Variants in CEP44 observed in about 807,000 individuals in gnomAD.
CEP44 encodes centrosomal protein of 44 kDa.
In CEP44, 45 loss-of-function variants were observed where a neutral mutation model predicts 46.7. That is an observed-to-expected ratio of 0.96 (90% CI 0.76 to 1.24). CEP44 has a LOEUF of 1.24. CEP44 is among the 50% of genes most tolerant of loss of function. The pLI is 0.00. For missense variants in CEP44, 475 were observed against 459.7 expected (o/e 1.03, Z -0.30); for synonymous variants, 142 against 146.0 (o/e 0.97, Z 0.20).
At chr4:174,298,766 G>A (rs1462703294) in intron 2 of CEP44, among the ~76,000 whole-genome samples, 1 of 151,680 alleles carries the variant, frequency 6.6e-6, no homozygotes, top group African/African-American at 2.4e-5. Flanking sequence ...CTTCTCAAAC[G>A]GTGCTTTATG....
chr4:174,318,420 A>C lies in CEP44; in HGVS notation c.*1037A>C. The C allele has an allele frequency of 1.0e-6, 1 of 984,936 alleles. No homozygotes were observed. The allele number at this position is 984,936 out of a possible 1,614,324, so 61.0% of individuals were successfully genotyped here. ...GTGAGGTGTTGTGTTTTGTTTTTTTAATGATGAAAAGTTACACATTTTTTG... is the reference window on the plus strand; with the variant it reads ...GTGAGGTGTTGTGTTTTGTTTTTTTCATGATGAAAAGTTACACATTTTTTG... On this transcript the variant is annotated 3_prime_UTR_variant, in exon 12 of 12. Transcript: ENST00000503780.
intron 6 of CEP44, 109 bp downstream of exon 6, chr4:174,304,478 T>C: frequency 7.0e-7 from 1 of 1,421,594 alleles, no homozygotes; most frequent in Non-Finnish European, 9.4e-7. Flanking sequence ...AGTTAGATAT[T>C]GGAGTTCATT....
At chr4:174,307,555 A>G (rs1740565668) in intron 6 of CEP44, among the ~76,000 whole-genome samples, 1 of 152,248 alleles carries the variant, frequency 6.6e-6, no homozygotes, top group African/African-American at 2.4e-5. Context: ...GGTGTCGGCA[A>G]TGATTTCATG....
Position 174,311,474 on chromosome 4 carries a change from C to T in CEP44, c.961+616C>T, listed in dbSNP as rs924930274. Among the ~76,000 whole-genome samples the T allele has an allele frequency of 1.4e-4, 21 of 152,036 alleles. 1 individual carries two copies. The highest frequency in any genetic ancestry group is 1.3e-3 in the Admixed American group (20 of 15,258). ...TTTTGTGCCATATCTATGATTAAAT[C>T]ATAGCTATAGAAGAGATGTTTTGTC... On this transcript the variant is annotated intron_variant, in intron 9 of 11. Coordinates refer to ENST00000503780, the MANE Select transcript of CEP44 (RefSeq NM_001040157.3). The surrounding 1 kb of genome is among the most constrained non-coding windows in gnomAD (Gnocchi z 4.4).
chr4:174,304,557 A>G (rs1740162794), intron 6 of CEP44, among the ~76,000 whole-genome samples, 188 bp downstream of exon 6: 1 of 152,252 alleles, frequency 6.6e-6, no homozygotes, highest in African/African-American at 2.4e-5. Context: ...GGATAGAAAT[A>G]TAAAATTAAA....
In CEP44 at chr4:174,319,862, A is replaced by T. The variant is rs1742149490; in HGVS notation, c.*2479A>T. 1 of 985,132 alleles carries T rather than the reference A, an allele frequency of 1.0e-6. No homozygotes were observed. Among genetic ancestry groups the T allele is most frequent in the Non-Finnish European group, 1.2e-6 (1 of 829,764 alleles). 61.0% of individuals were successfully genotyped at this position (985,132 alleles called of 1,614,324 possible). On this transcript the variant is annotated 3_prime_UTR_variant, in exon 12 of 12. Transcript: ENST00000503780. ...GGACAGATCAGCAAATTGTTATTTT[A>T]AAAAGTTTTCTTGTTTAGGCAATTT...
At chr4:174,325,205 T>A (rs569308750), downstream of CEP44, among the ~76,000 whole-genome samples, 31 of 152,204 alleles carry the variant, frequency 2.0e-4, no homozygotes, top group Non-Finnish European at 4.4e-4. The surrounding 1 kb of genome is among the most constrained non-coding windows in gnomAD (Gnocchi z 4.4). Context: ...TTAGGTTGTT[T>A]GTCTTCCTGT....
chr4:174,315,584 G>C (rs1416933633), intron 9 of CEP44, among the ~76,000 whole-genome samples: 1 of 151,996 alleles, frequency 6.6e-6, no homozygotes, highest in Non-Finnish European at 1.5e-5. Context: ...AAATGTTGCT[G>C]AATAAAAGCA....
intron 1 of CEP44, among the ~76,000 whole-genome samples, chr4:174,294,847 CG>C (rs529251008): frequency 3.1e-5 from 4 of 130,754 alleles, no homozygotes; most frequent in South Asian, 2.6e-4. Context: ...GCTGGCCGGG[CG>C]GGGGGCTGAT....
At chr4:174,316,134 A>G in intron 9 of CEP44, 32 bp from the exon 10 acceptor site, 1 of 1,603,522 alleles carries the variant, frequency 6.2e-7, no homozygotes, top group Non-Finnish European at 8.5e-7. Context: ...CTGTGAAAGG[A>G]AAAGGTAATC....
intron 1 of CEP44, among the ~76,000 whole-genome samples, chr4:174,295,014 C>A (rs1003117666): frequency 7.1e-6 from 1 of 140,134 alleles, no homozygotes; most frequent in Non-Finnish European, 1.5e-5. Flanking sequence ...GATGGGACGG[C>A]TGGCCAGGCG....
In CEP44 at chr4:174,287,749, T is replaced by C. The variant is rs898374532; in HGVS notation, c.-148+3806T>C. ...TCAAAAGGTACAATTTATTATAGGATAATTATAATTATTTCATGCTGACAA... is the reference window on the plus strand; with the variant it reads ...TCAAAAGGTACAATTTATTATAGGACAATTATAATTATTTCATGCTGACAA... On this transcript the variant is annotated intron_variant, in intron 1 of 11. Coordinates refer to ENST00000503780, the MANE Select transcript of CEP44 (RefSeq NM_001040157.3). The surrounding 1 kb of genome is among the most constrained non-coding windows in gnomAD (Gnocchi z 5.1). 1.3e-5 allele frequency among the ~76,000 whole-genome samples: 2 copies of C among 152,242 alleles called. No individual in the cohort carries two copies. The highest frequency in any genetic ancestry group is 6.5e-5 in the Admixed American group (1 of 15,280).
At chr4:174,292,714 G>T (rs11947136) in intron 1 of CEP44, among the ~76,000 whole-genome samples, 61,517 of 151,772 alleles carry the variant, frequency 0.41, 13,203 homozygotes, top group Non-Finnish European at 0.48. Flanking sequence ...TTTCTGTTTG[G>T]TTCTTTTTTA....
chr4:174,316,985 AATG>A (rs1402373380), intron 11 of CEP44, among the ~76,000 whole-genome samples: 1 of 151,834 alleles, frequency 6.6e-6, no homozygotes, highest in African/African-American at 2.4e-5. Flanking sequence ...AGATACTAAA[AATG>A]ATGTTTTTGT....
At chr4:174,330,570 T>C (rs922675421) in intron 8 of CEP44, among the ~76,000 whole-genome samples, 6 of 152,178 alleles carry the variant, frequency 3.9e-5, no homozygotes, top group Non-Finnish European at 8.8e-5. Context: ...TATCATTAAA[T>C]ATATTTTCAA....
At chr4:174,300,625 G>A (rs752516083) in intron 3 of CEP44, among the ~76,000 whole-genome samples, 1 of 151,962 alleles carries the variant, frequency 6.6e-6, no homozygotes, top group South Asian at 2.1e-4. Context: ...AATCTGCAGG[G>A]TCTATTGAGA....
rs1230674452 is a variant in CEP44, at chr4:174,319,884, A to G, written c.*2501A>G. On this transcript the variant is annotated 3_prime_UTR_variant, in exon 12 of 12. Transcript: ENST00000503780. ...TTTAAAAAGTTTTCTTGTTTAGGCA[A>G]TTTGGTAAGTGGTTTCTAGTTATAA... 1 of 985,188 alleles carries G rather than the reference A, an allele frequency of 1.0e-6. No homozygotes were observed. The highest frequency in any genetic ancestry group is 1.1e-4 in the East Asian group (1 of 8,830). The allele number at this position is 985,188 out of a possible 1,614,324, so 61.0% of individuals were successfully genotyped here.
In CEP44 at chr4:174,314,107, T is replaced by C. The variant is rs1386529842; in HGVS notation, c.962-2059T>C. On this transcript the variant is annotated intron_variant, in intron 9 of 11. Transcript: ENST00000503780. This position sits in a 1 kb window ranked among gnomAD's most constrained non-coding sequence, Gnocchi z 4.1. ...AAGATTAGTTGTTACGTGGTAAGAG[T>C]TGGGTAGAAGATTTCATGTCCCATA... 6.6e-6 allele frequency among the ~76,000 whole-genome samples: 1 copy of C among 152,070 alleles called. No homozygotes were observed. Among genetic ancestry groups the C allele is most frequent in the Non-Finnish European group, 1.5e-5 (1 of 68,010 alleles).
At chr4:174,322,141 T>C (rs1560923766), downstream of CEP44, among the ~76,000 whole-genome samples, 1 of 152,184 alleles carries the variant, frequency 6.6e-6, no homozygotes, top group African/African-American at 2.4e-5. Context: ...AATTTATTTA[T>C]TTTTTCACAC....
Sources: allele counts gnomAD v4.1 joint callset (sites outside exome capture counted in the v4.1 genomes callset), GRCh38; gene constraint gnomAD v4.1.1; non-coding constraint Gnocchi (gnomAD v3.1); transcripts MANE v1.5; gene names NCBI Gene and HGNC (gene_info 2026-07-23, HGNC 2026-07-21).